Variants in TAFA2 observed in about 807,000 individuals in gnomAD.
The protein encoded by TAFA2 is TAFA chemokine like family member 2.
A neutral mutation model predicts 18.8 loss-of-function variants in TAFA2; 7 were observed. The ratio of observed to expected loss-of-function variants is 0.37; its 90% CI spans 0.21 to 0.70. The LOEUF (loss-of-function observed/expected upper bound fraction) is 0.70. Among genes scored for constraint, TAFA2 ranks in the 30% least tolerant of loss-of-function variants. The probability of loss-of-function intolerance (pLI) is 0.53; values close to 1 mark genes in which losing one functional copy is unlikely to be tolerated. For missense variants in TAFA2, 122 were observed against 158.1 expected (o/e 0.77, Z 1.23); for synonymous variants, 60 against 54.2 (o/e 1.11, Z -0.47).
At chr12:61,738,337 C>T (rs1868344097) in intron 4 of TAFA2, among the ~76,000 whole-genome samples, 1 of 115,130 alleles carries the variant, frequency 8.7e-6, no homozygotes, top group Admixed American at 9.1e-5. Context: ...ACAAACCTAG[C>T]TCATAAACCC....
At chr12:61,917,106 G>GAAT (rs1876852089) in intron 1 of TAFA2, among the ~76,000 whole-genome samples, 2 of 152,194 alleles carry the variant, frequency 1.3e-5, no homozygotes, top group Non-Finnish European at 2.9e-5. Flanking sequence ...GGGAAATGAA[G>GAAT]ATGACTGTTC....
At chr12:62,072,793 TA>T (rs1372574061) in intron 1 of TAFA2, among the ~76,000 whole-genome samples, 1 of 151,976 alleles carries the variant, frequency 6.6e-6, no homozygotes, top group Non-Finnish European at 1.5e-5. Flanking sequence ...CTAAAATAAA[TA>T]AATAATAATC....
chr12:62,167,871 C>T (rs1018383479), intron 1 of TAFA2, among the ~76,000 whole-genome samples: 1 of 152,072 alleles, frequency 6.6e-6, no homozygotes. Context: ...GACTCACAAC[C>T]CAACTTGAAA....
chr12:61,749,099 T>A (rs7980115), intron 4 of TAFA2, among the ~76,000 whole-genome samples: 1 of 149,338 alleles, frequency 6.7e-6, no homozygotes. Flanking sequence ...AACCCCGTTG[T>A]TACTAAAAAT....
At chr12:62,147,322 G>GTA (rs2062290640) in intron 1 of TAFA2, among the ~76,000 whole-genome samples, 2 of 49,400 alleles carry the variant, frequency 4.0e-5, no homozygotes, top group African/African-American at 1.5e-4. Context: ...GTGTGTGTAT[G>GTA]TATGTATATA....
At chr12:61,901,557 C>CA (rs949099100) in intron 1 of TAFA2, among the ~76,000 whole-genome samples, 25 of 150,018 alleles carry the variant, frequency 1.7e-4, no homozygotes, top group Admixed American at 5.3e-4. Context: ...ACTTCTATAA[C>CA]AAAAAAAAAG....
chr12:62,148,054 C>A (rs1187260402), intron 1 of TAFA2, among the ~76,000 whole-genome samples: 6 of 151,370 alleles, frequency 4.0e-5, no homozygotes, highest in African/African-American at 1.2e-4. Flanking sequence ...ACTAAAAAGT[C>A]AAAAAAAAGC....
At chr12:62,017,366 A>G (rs1281652967) in intron 1 of TAFA2, among the ~76,000 whole-genome samples, 2 of 152,238 alleles carry the variant, frequency 1.3e-5, no homozygotes, top group Non-Finnish European at 2.9e-5. Flanking sequence ...GTATTTTGTT[A>G]TAAATAGTCT....
chr12:62,056,140 T>C (rs1162016833), intron 1 of TAFA2, among the ~76,000 whole-genome samples: 9 of 152,174 alleles, frequency 5.9e-5, no homozygotes, highest in Admixed American at 5.9e-4. Context: ...AAATGGAAAT[T>C]ATACTTTTCT....
intron 1 of TAFA2, among the ~76,000 whole-genome samples, chr12:62,119,814 C>T (rs1382163859): frequency 2.6e-5 from 4 of 152,058 alleles, no homozygotes; most frequent in African/African-American, 4.8e-5. Flanking sequence ...TGGCTCACAC[C>T]TATAATCCCA....
rs529494308 is a variant in TAFA2 at position 61,845,860 on chromosome 12, A to G, written c.106+21460T>C. On this transcript the variant is annotated intron_variant, in intron 2 of 4. Coordinates refer to ENST00000416284, the MANE Select transcript of TAFA2 (RefSeq NM_178539.5). ...AGAATATAAAGTGTCCAAACATACC[A>G]TATGGAAGGAGTCCAAAATATTCCT... 2.9e-4 allele frequency among the ~76,000 whole-genome samples: 44 copies of G among 152,296 alleles called. 1 individual carries two copies. In the South Asian group the frequency reaches 3.9e-3, roughly 14 times the overall value.
rs117645997 is a variant in TAFA2, at chr12:61,738,908, G to A, written c.384+14714C>T. ...TAGTATTTCTTTAACAAGACTGACTGCTGTGGAATAATAATGTTAATATTT... is the reference window on the plus strand; with the variant it reads ...TAGTATTTCTTTAACAAGACTGACTACTGTGGAATAATAATGTTAATATTT... On this transcript the variant is annotated intron_variant, in intron 4 of 4. Coordinates refer to ENST00000416284, the MANE Select transcript of TAFA2 (RefSeq NM_178539.5). Among the ~76,000 whole-genome samples, 14 of 152,190 alleles carry A rather than the reference G, an allele frequency of 9.2e-5. No individual in the cohort carries two copies. The East Asian group carries it at 2.7e-3, about 30-fold the overall frequency.
intron 1 of TAFA2, among the ~76,000 whole-genome samples, chr12:61,946,227 A>G (rs941126614): frequency 1.3e-5 from 2 of 150,900 alleles, no homozygotes; most frequent in Admixed American, 6.6e-5. Flanking sequence ...TATTTAATAA[A>G]TGGTGCTGGG....
At chr12:61,873,748 C>G (rs1874721579) in intron 1 of TAFA2, among the ~76,000 whole-genome samples, 1 of 152,096 alleles carries the variant, frequency 6.6e-6, no homozygotes, top group Non-Finnish European at 1.5e-5. Flanking sequence ...TTGCTTTTAT[C>G]CAAAATCATG....
At chr12:62,194,330 C>CACACA (rs1555197318), upstream of TAFA2, among the ~76,000 whole-genome samples, 713 of 151,646 alleles carry the variant, frequency 4.7e-3, 3 homozygotes, top group Non-Finnish European at 6.3e-3. Flanking sequence ...CACACACATA[C>CACACA]AAAAAAACAT....
intron 1 of TAFA2, among the ~76,000 whole-genome samples, chr12:61,877,014 G>A (rs1874878627): frequency 6.6e-6 from 1 of 152,134 alleles, no homozygotes; most frequent in South Asian, 2.1e-4. Flanking sequence ...ACTTTAACGA[G>A]CTGTCTTTGA....
intron 4 of TAFA2, among the ~76,000 whole-genome samples, chr12:61,749,902 G>T (rs1165412385): frequency 6.6e-6 from 1 of 151,852 alleles, no homozygotes; most frequent in Admixed American, 6.6e-5. Flanking sequence ...TTTGTAGCTT[G>T]GTGTCCATAC....
upstream of TAFA2, among the ~76,000 whole-genome samples, chr12:62,197,525 G>GT (rs1260374422): frequency 3.9e-5 from 6 of 152,088 alleles, no homozygotes; most frequent in Admixed American, 3.3e-4. Flanking sequence ...TGACACATGG[G>GT]TATATCTGTG....
intron 1 of TAFA2, among the ~76,000 whole-genome samples, chr12:61,995,760 AGAG>A: frequency 6.6e-6 from 1 of 152,224 alleles, no homozygotes; most frequent in Non-Finnish European, 1.5e-5. Context: ...AGGGTAGATG[AGAG>A]AAATGGAGAG....
Sources: allele counts gnomAD v4.1 joint callset (sites outside exome capture counted in the v4.1 genomes callset), GRCh38; gene constraint gnomAD v4.1.1; transcripts MANE v1.5; gene names NCBI Gene and HGNC (gene_info 2026-07-23, HGNC 2026-07-21).